ANKRD11: variants seen among roughly 807,000 people sequenced by gnomAD.
The protein encoded by ANKRD11 is ankyrin repeat domain-containing protein 11.
ANKRD11 carries 17 observed loss-of-function variants against 195.7 expected under a neutral mutation model. The ratio of observed to expected loss-of-function variants is 0.09; its 90% confidence interval spans 0.06 to 0.13. ANKRD11 has a LOEUF of 0.13. ANKRD11 is among the 10% of genes least tolerant of loss of function. ANKRD11 has a pLI of 1.00. For missense variants in ANKRD11, 3,735 were observed against 3,566.1 expected (o/e 1.05, Z -1.21); for synonymous variants, 1,953 against 1,528.1 (o/e 1.28, Z -6.49).
At position 89,436,763 on chromosome 16, in the gene ANKRD11, A is replaced by G. The variant is rs565909865; in HGVS notation, c.-144-18395T>C. Among the ~76,000 whole-genome samples the G allele has an allele frequency of 2.6e-5, 4 of 152,360 alleles. No homozygotes were observed. The East Asian group carries it at 5.8e-4, about 22-fold the overall frequency. ...ACTTTTACTATATTTTTGTTTTAAT[A>G]AAGTTATTCTAATCCCCTGAGGTAA... is the stretch of plus-strand genomic sequence containing the variant. On this transcript the variant is annotated intron_variant, in intron 1 of 12. Transcript: ENST00000301030.
At chr16:89,489,220 C>CAT (rs1246955377) in intron 1 of ANKRD11, 1 of 105,352 alleles carries the variant, frequency 9.5e-6, no homozygotes, top group African/African-American at 3.2e-5. Flanking sequence ...TACACACACA[C>CAT]ACACACGCGC....
chr16:89,333,133 C>T (rs1365424997), intron 2 of ANKRD11, among the ~76,000 whole-genome samples: 1 of 152,244 alleles, frequency 6.6e-6, no homozygotes, highest in Admixed American at 6.5e-5. Flanking sequence ...CTCAACAATG[C>T]TCTGGGAACT....
intron 2 of ANKRD11, among the ~76,000 whole-genome samples, chr16:89,377,320 A>C (rs1349288693): frequency 1.3e-5 from 2 of 152,184 alleles, no homozygotes; most frequent in Non-Finnish European, 2.9e-5. Flanking sequence ...ACCATGAAAG[A>C]TGCCATCATT....
At chr16:89,409,291 A>T (rs2042027729) in intron 2 of ANKRD11, among the ~76,000 whole-genome samples, 1 of 152,176 alleles carries the variant, frequency 6.6e-6, no homozygotes, top group Non-Finnish European at 1.5e-5. Context: ...GCTACAAGAA[A>T]GCTCAAACCC....
intron 1 of ANKRD11, among the ~76,000 whole-genome samples, chr16:89,443,165 T>A (rs559999673): frequency 6.6e-6 from 1 of 152,120 alleles, no homozygotes; most frequent in Non-Finnish European, 1.5e-5. Context: ...CTAATTTTTA[T>A]ATTTTCAGTA....
intron 1 of ANKRD11, among the ~76,000 whole-genome samples, chr16:89,419,290 G>GA (rs35325035): frequency 0.021 from 3,186 of 151,596 alleles, 70 homozygotes; most frequent in East Asian, 0.11. Flanking sequence ...CGTCTCTACT[G>GA]AAAATACAAA....
At chr16:89,393,298 T>A (rs978512186) in intron 2 of ANKRD11, among the ~76,000 whole-genome samples, 5 of 151,720 alleles carry the variant, frequency 3.3e-5, no homozygotes, top group African/African-American at 1.2e-4. Flanking sequence ...CTCTTTTTTT[T>A]ACTTTTTTTA....
intron 2 of ANKRD11, among the ~76,000 whole-genome samples, chr16:89,415,401 A>G (rs957991592): frequency 5.4e-5 from 8 of 148,650 alleles, no homozygotes; most frequent in African/African-American, 2.0e-4. Context: ...AGTAGCTGGG[A>G]CTACAGGCGC....
At chr16:89,338,755 G>A (rs1415484432) in intron 2 of ANKRD11, among the ~76,000 whole-genome samples, 4 of 143,046 alleles carry the variant, frequency 2.8e-5, no homozygotes, top group Admixed American at 7.0e-5. Context: ...AAAAAAGAGC[G>A]AGCTTTTGTA....
chr16:89,272,088 T>C (rs540296434), intron 11 of ANKRD11: 2 of 152,240 alleles, frequency 1.3e-5, no homozygotes, highest in South Asian at 2.1e-4. Flanking sequence ...GCAAAAGATC[T>C]GAATAGACGT....
At chr16:89,361,339 G>A (rs550063978) in intron 2 of ANKRD11, among the ~76,000 whole-genome samples, 2 of 152,328 alleles carry the variant, frequency 1.3e-5, no homozygotes, top group East Asian at 3.9e-4. Context: ...GGCGGGGGGT[G>A]CTGCAGGGAC....
intron 3 of ANKRD11, among the ~76,000 whole-genome samples, chr16:89,308,758 A>G (rs566125802): frequency 9.1e-4 from 139 of 152,358 alleles, no homozygotes; most frequent in African/African-American, 3.2e-3. Flanking sequence ...GCAAATGAAC[A>G]ATTCTAGAAT....
At position 89,280,171 on chromosome 16, in the gene ANKRD11, A is replaced by G; in HGVS notation, c.6371T>C (p.Phe2124Ser). 1 of 1,609,638 alleles carries G rather than the reference A, an allele frequency of 6.2e-7. No homozygotes were observed. The highest frequency in any genetic ancestry group is 8.5e-7 in the Non-Finnish European group (1 of 1,178,958). ...QVEPVPWADAFAGPEDDLDLG... is the reference protein window; with the variant it reads ...QVEPVPWADASAGPEDDLDLG... Reference sequence around the variant, plus strand: ...GTCCAGGTCGTCCTCGGGGCCGGCGAAGGCGTCCGCCCAGGGCACCGGCTC... The same window carrying G: ...GTCCAGGTCGTCCTCGGGGCCGGCGGAGGCGTCCGCCCAGGGCACCGGCTC... Residue 2124 changes from phenylalanine (F) to serine (S), a missense_variant, in exon 9 of 13, where the codon TTC becomes TCC. Transcript: ENST00000301030.
chr16:89,490,470 G>A lies in ANKRD11; in HGVS notation c.-370C>T. 1 of 406,108 alleles carries A rather than the reference G, an allele frequency of 2.5e-6. No homozygotes were observed. Among genetic ancestry groups the A allele is most frequent in the Non-Finnish European group, 4.4e-6 (1 of 228,276 alleles). The allele number at this position is 406,108 out of a possible 1,614,324, so 25.2% of individuals were successfully genotyped here. Reference sequence around the variant, plus strand: ...GAGAGCCGCGGCTCCCGGTGCGGACGCTACTGATGGGGCGTCTGGCCGCGG... The same window carrying A: ...GAGAGCCGCGGCTCCCGGTGCGGACACTACTGATGGGGCGTCTGGCCGCGG... On this transcript the variant is annotated 5_prime_UTR_variant, in exon 1 of 13. Transcript: ENST00000301030.
Position 89,283,625 on chromosome 16 carries a change from G to T in ANKRD11, c.2917C>A (p.Arg973=), listed in dbSNP as rs202099475. 6.2e-7 allele frequency: 1 copy of T among 1,610,362 alleles called. No individual in the cohort carries two copies. Among genetic ancestry groups the T allele is most frequent in the East Asian group, 2.2e-5 (1 of 44,884 alleles). ...DGRAKPEEAH[R]EELKECGCES... The stretch of plus-strand genomic sequence containing the variant: ...CAGCCACACTCCTTCAGCTCCTCCC[G>T]GTGCGCCTCCTCGGGCTTGGCCCTG... The change falls in exon 9 of 13, where the codon CGG becomes AGG. Residue 973 remains arginine (R), a synonymous_variant. Transcript: ENST00000301030. The surrounding 1 kb of genome is among the most constrained non-coding windows in gnomAD (Gnocchi z 4.3).
In ANKRD11 at chr16:89,282,097, T is replaced by G. The variant is rs1567568863; in HGVS notation, c.4445A>C (p.Asp1482Ala). The G allele has an allele frequency of 9.9e-6, 16 of 1,614,124 alleles. No individual in the cohort carries two copies. Among genetic ancestry groups the G allele is most frequent in the Non-Finnish European group, 1.1e-5 (13 of 1,180,006 alleles). Residue 1482 changes from aspartate to alanine, a missense_variant, in exon 9 of 13, where the codon GAT becomes GCT. Physicochemically the swap from Asp to Ala is moderately radical, Grantham distance 126. Coordinates refer to ENST00000301030, the MANE Select transcript of ANKRD11 (RefSeq NM_013275.6). The part of the protein sequence containing the change: ...EKERHRDRHA[D>A]GLLRHHRDEL... ...GTCCCTGTGATGCCGCAGCAGCCCA[T>G]CCGCATGCCTGTCCCGGTGCCTCTC...
chr16:89,271,547 T>C (rs2033156241), intron 11 of ANKRD11: 1 of 160,340 alleles, frequency 6.2e-6, no homozygotes, highest in African/African-American at 2.4e-5. Context: ...GACAATGCCG[T>C]CTGTTTCTCA....
At chr16:89,447,390 A>G (rs149071974) in intron 1 of ANKRD11, among the ~76,000 whole-genome samples, 3 of 152,140 alleles carry the variant, frequency 2.0e-5, no homozygotes, top group African/African-American at 7.2e-5. Context: ...CTGAGGTGCC[A>G]AAGAAACATC....
chr16:89,408,866 A>C (rs1158863913), intron 2 of ANKRD11, among the ~76,000 whole-genome samples: 1 of 152,258 alleles, frequency 6.6e-6, no homozygotes, highest in African/African-American at 2.4e-5. Flanking sequence ...AAAAGAGAAC[A>C]TAAGTGAAGA....
Sources: gnomAD v4.1 joint callset for allele counts (sites outside exome capture counted in the v4.1 genomes callset) on GRCh38, gnomAD v4.1.1 for gene constraint, Gnocchi (gnomAD v3.1) non-coding constraint, MANE v1.5 for transcripts, NCBI Gene and HGNC (gene_info 2026-07-23, HGNC 2026-07-21) for gene names.